The following TSC22D1 variants were observed in gnomAD, a reference collection of about 807,000 sequenced individuals.
The protein encoded by TSC22D1 is TSC22 domain family member 1.
A neutral mutation model predicts 74.2 loss-of-function variants in TSC22D1; 9 were observed. The observed-to-expected ratio is 0.12, with a 90% CI of 0.07 to 0.21. TSC22D1 has a LOEUF of 0.21. Among genes scored for constraint, TSC22D1 ranks in the 10% least tolerant of loss-of-function variants. TSC22D1 has a pLI of 1.00. For missense variants in TSC22D1, 1,427 were observed against 1,304.7 expected (o/e 1.09, Z -1.44); for synonymous variants, 586 against 492.5 (o/e 1.19, Z -2.51).
chr13:44,470,138 C>T (rs1041143436), intron 1 of TSC22D1, among the ~76,000 whole-genome samples: 2 of 152,112 alleles, frequency 1.3e-5, no homozygotes, highest in Non-Finnish European at 2.9e-5. Flanking sequence ...TAAACTGATT[C>T]ATCTTTTAAA....
chr13:44,457,637 C>CAAAAAAA (rs10692086), intron 1 of TSC22D1, among the ~76,000 whole-genome samples: 6 of 85,416 alleles, frequency 7.0e-5, no homozygotes, highest in East Asian at 3.8e-4. Context: ...AAGCAAATAG[C>CAAAAAAA]AAAAAAAAAA....
chr13:44,501,960 T>A (rs941429537), intron 1 of TSC22D1, among the ~76,000 whole-genome samples: 2 of 152,352 alleles, frequency 1.3e-5, no homozygotes, highest in East Asian at 1.9e-4. Flanking sequence ...ATAATTTGTC[T>A]TTATATATAG....
chr13:44,502,070 C>T (rs1022875400), intron 1 of TSC22D1, among the ~76,000 whole-genome samples: 1 of 152,152 alleles, frequency 6.6e-6, no homozygotes. Context: ...CTCTTATGTG[C>T]ACTCTCTCTC....
chr13:44,444,161 C>A (rs943868929), intron 1 of TSC22D1, among the ~76,000 whole-genome samples: 2 of 151,234 alleles, frequency 1.3e-5, no homozygotes, highest in Admixed American at 1.3e-4. Context: ...CGCCTGTAAT[C>A]CCAGCTACTT....
intron 1 of TSC22D1, among the ~76,000 whole-genome samples, chr13:44,476,759 C>T (rs1331986521): frequency 3.3e-5 from 5 of 152,160 alleles, no homozygotes; most frequent in Non-Finnish European, 5.9e-5. Flanking sequence ...TCACTGCAGC[C>T]TCAACCTCCT....
chr13:44,517,823 G>GTATA (rs1366832172), intron 1 of TSC22D1, among the ~76,000 whole-genome samples: 3 of 36,044 alleles, frequency 8.3e-5, no homozygotes, highest in East Asian at 9.3e-4. Context: ...GTGTGTGTGT[G>GTATA]TGTGTGTATA....
At chr13:44,436,723 G>A (rs11552415) in intron 1 of TSC22D1, 31 of 1,504,084 alleles carry the variant, frequency 2.1e-5, no homozygotes, top group African/African-American at 2.8e-5. Flanking sequence ...CCGCAGCCCA[G>A]GGAGAAACAG....
intron 1 of TSC22D1, among the ~76,000 whole-genome samples, chr13:44,490,920 T>C (rs1878675347): frequency 7.1e-6 from 1 of 140,728 alleles, no homozygotes; most frequent in Admixed American, 7.5e-5. Context: ...AAAATGAAAC[T>C]CCGTCTCATT....
Position 44,480,515 on chromosome 13 carries a change from C to T in TSC22D1, c.2913-44420G>A, listed in dbSNP as rs143626408. On this transcript the variant is annotated intron_variant, in intron 1 of 2. Transcript: ENST00000458659. Reference sequence around the variant, plus strand: ...GATGAGAGATGAAGGCAGCAGCGATCCCAGGACCAGCTGTTGAGAATAAAG... The same window carrying T: ...GATGAGAGATGAAGGCAGCAGCGATTCCAGGACCAGCTGTTGAGAATAAAG... Among the ~76,000 whole-genome samples the T allele has an allele frequency of 8.7e-4, 132 of 152,212 alleles. 1 individual carries two copies. Among genetic ancestry groups the T allele is most frequent in the Non-Finnish European group, 1.6e-3 (108 of 68,018 alleles).
chr13:44,471,481 A>AT (rs1877603019), intron 1 of TSC22D1, among the ~76,000 whole-genome samples: 1 of 152,192 alleles, frequency 6.6e-6, no homozygotes, highest in African/African-American at 2.4e-5. Flanking sequence ...AACTTACTAG[A>AT]TAGCATTGCT....
chr13:44,576,528 G>C (rs1359444186), upstream of TSC22D1: 1 of 155,562 alleles, frequency 6.4e-6, no homozygotes, highest in Non-Finnish European at 1.4e-5. Flanking sequence ...CACGGAGGCA[G>C]CGCCAAGCAA....
At chr13:44,521,682 GA>G (rs79105986) in intron 1 of TSC22D1, among the ~76,000 whole-genome samples, 17,687 of 118,340 alleles carry the variant, frequency 0.15, 1,095 homozygotes, top group African/African-American at 0.17. Context: ...ACAAAGAATG[GA>G]AAAAAAAAAA....
chr13:44,451,944 T>A (rs879860963), intron 1 of TSC22D1, among the ~76,000 whole-genome samples: 33 of 152,190 alleles, frequency 2.2e-4, no homozygotes, highest in African/African-American at 7.2e-4. Context: ...AGGACACCCC[T>A]GTCCTTTCCC....
Position 44,573,591 on chromosome 13 carries a change from A to G in TSC22D1, c.2484T>C (p.Ser828=). 2 of 1,614,250 alleles carry G rather than the reference A, an allele frequency of 1.2e-6. No individual in the cohort carries two copies. Among genetic ancestry groups the G allele is most frequent in the African/African-American group, 1.3e-5 (1 of 75,056 alleles). ...LPAVSSLPSA[S]SISVTSQVSS... ...TAACCTGACTTGTAACAGAAATACTACTAGCAGAGGGCAAAGAACTAACTG... is the reference window on the plus strand; with the variant it reads ...TAACCTGACTTGTAACAGAAATACTGCTAGCAGAGGGCAAAGAACTAACTG... Residue 828 remains serine, a synonymous_variant, in exon 1 of 3, where the codon AGT becomes AGC. Coordinates refer to ENST00000458659, the MANE Select transcript of TSC22D1 (RefSeq NM_183422.4).
chr13:44,471,967 ACTGT>A (rs1877630721), intron 1 of TSC22D1, among the ~76,000 whole-genome samples: 1 of 152,196 alleles, frequency 6.6e-6, no homozygotes. Flanking sequence ...TCACCCAGTA[ACTGT>A]CTCAGTTATC....
At chr13:44,483,911 T>A (rs1034290179) in intron 1 of TSC22D1, among the ~76,000 whole-genome samples, 1 of 152,148 alleles carries the variant, frequency 6.6e-6, no homozygotes, top group Non-Finnish European at 1.5e-5. Flanking sequence ...TCCTTTTCAT[T>A]AAAAAATGGT....
rs185225852 is a variant in TSC22D1, at chr13:44,512,220, A to G, written c.2912+60943T>C. Among the ~76,000 whole-genome samples, 692 of 152,050 alleles carry G rather than the reference A, an allele frequency of 4.6e-3. 2 individuals carry two copies. The highest frequency in any genetic ancestry group is 8.2e-3 in the Admixed American group (126 of 15,280). ...AGTCTTGCTCTTTCGCCCAGGCCGGAGTGCAATGGCGCTATCTTGGCTCAC... is the reference window on the plus strand; with the variant it reads ...AGTCTTGCTCTTTCGCCCAGGCCGGGGTGCAATGGCGCTATCTTGGCTCAC... On this transcript the variant is annotated intron_variant, in intron 1 of 2. Coordinates refer to ENST00000458659, the MANE Select transcript of TSC22D1 (RefSeq NM_183422.4).
intron 1 of TSC22D1, among the ~76,000 whole-genome samples, chr13:44,456,075 T>C (rs561668588): frequency 6.6e-5 from 10 of 152,296 alleles, no homozygotes; most frequent in African/African-American, 2.4e-4. Context: ...GTATCTGGAA[T>C]TGGTTCCTTC....
At position 44,433,839 on chromosome 13, in the gene TSC22D1, TAGC is replaced by T; in HGVS notation, c.*784_*786del. 1 of 711,284 alleles carries T rather than the reference TAGC, an allele frequency of 1.4e-6. No individual in the cohort carries two copies. Among genetic ancestry groups the T allele is most frequent in the Non-Finnish European group, 2.1e-6 (1 of 475,530 alleles). The allele number at this position is 711,284 out of a possible 1,614,324, so 44.1% of individuals were successfully genotyped here. ...TTCTTTAGGTGTGGTTTTTGTCATG[TAGC>T]AGTTTTTATGTAGATCTATATATAA... is the stretch of plus-strand genomic sequence containing the variant. On this transcript the variant is annotated 3_prime_UTR_variant, in exon 3 of 3. Transcript: ENST00000458659.
Sources: allele counts gnomAD v4.1 joint callset (sites outside exome capture counted in the v4.1 genomes callset), GRCh38; gene constraint gnomAD v4.1.1; transcripts MANE v1.5; gene names NCBI Gene and HGNC (gene_info 2026-07-23, HGNC 2026-07-21).